Variants in PPP2R2D observed in about 807,000 individuals in gnomAD.
PPP2R2D encodes the protein serine/threonine-protein phosphatase 2A 55 kDa regulatory subunit B delta isoform.
In PPP2R2D, 9 loss-of-function variants were observed where a neutral mutation model predicts 31.1. The ratio of observed to expected loss-of-function variants is 0.29; its 90% CI spans 0.17 to 0.51. The LOEUF is 0.51. Among genes scored for constraint, PPP2R2D ranks in the 20% least tolerant of loss-of-function variants. The probability of loss-of-function intolerance (pLI) is 0.98; values close to 1 mark genes in which losing one functional copy is unlikely to be tolerated. For missense variants in PPP2R2D, 391 were observed against 465.6 expected (o/e 0.84, Z 1.48); for synonymous variants, 179 against 172.6 (o/e 1.04, Z -0.29).
chr10:131,960,708 G>A (rs1564831627), downstream of PPP2R2D, among the ~76,000 whole-genome samples: 1 of 152,230 alleles, frequency 6.6e-6, no homozygotes, highest in South Asian at 2.1e-4. Context: ...GGGAGGAAGA[G>A]TGGGTCTGGG....
the PPP2R2D span, chr10:131,969,826 G>C: frequency 6.6e-6 from 1 of 152,258 alleles, no homozygotes; most frequent in East Asian, 1.9e-4. Context: ...CCGCTGCGGC[G>C]AACGCTCTTC....
intron 5 of PPP2R2D, among the ~76,000 whole-genome samples, chr10:131,942,865 T>C (rs1554897386): frequency 6.6e-6 from 1 of 152,212 alleles, no homozygotes; most frequent in East Asian, 1.9e-4. Flanking sequence ...GAACTGACTC[T>C]TCTTGCTCTA....
chr10:131,919,492 G>T (rs1303281956), intron 2 of PPP2R2D, among the ~76,000 whole-genome samples: 2 of 127,438 alleles, frequency 1.6e-5, no homozygotes, highest in African/African-American at 3.0e-5. Context: ...CACAGTGTTT[G>T]TACGGACCTC....
rs1450917233 is a variant in PPP2R2D at position 131,901,135 on chromosome 10, C to A, written c.-14C>A. 7.3e-6 allele frequency: 2 copies of A among 272,606 alleles called. No homozygotes were observed. Among genetic ancestry groups the A allele is most frequent in the Non-Finnish European group, 1.4e-5 (2 of 146,912 alleles). 16.9% of individuals were successfully genotyped at this position (272,606 alleles called of 1,614,324 possible). ...GGTCTGCCGCGGTCCCCGCCCGTCC[C>A]GCCGCCGGCTGCCATGGCAGGTGAG... is the stretch of plus-strand genomic sequence containing the variant. On this transcript the variant is annotated 5_prime_UTR_variant, in exon 1 of 9. Coordinates refer to ENST00000455566, the MANE Select transcript of PPP2R2D (RefSeq NM_018461.5).
intron 2 of PPP2R2D, among the ~76,000 whole-genome samples, chr10:131,902,954 GT>G (rs1294018944): frequency 6.6e-6 from 1 of 152,036 alleles, no homozygotes; most frequent in Non-Finnish European, 1.5e-5. Flanking sequence ...ATTTCGCCAT[GT>G]TGCCCAGGCT....
In PPP2R2D at chr10:131,958,205, GC is replaced by G. The variant is rs199754386; in HGVS notation, c.*2246del. 1.6e-5 allele frequency: 2 copies of G among 127,772 alleles called. No homozygotes were observed. The highest frequency in any genetic ancestry group is 3.2e-5 in the Non-Finnish European group (2 of 61,852). 7.9% of individuals were successfully genotyped at this position (127,772 alleles called of 1,614,324 possible). ...ATGGAGGTGTGTGCTGATCCCTCGT[GC>G]CCCTGTGGAGATAGAGGTGTGTACT... On this transcript the variant is annotated 3_prime_UTR_variant, in exon 9 of 9. Transcript: ENST00000455566.
intron 2 of PPP2R2D, among the ~76,000 whole-genome samples, chr10:131,924,184 T>C (rs1237153537): frequency 3.3e-5 from 5 of 152,190 alleles, no homozygotes; most frequent in South Asian, 4.1e-4. Flanking sequence ...GTCCACCTTA[T>C]TTTTTTCTTT....
At chr10:131,910,052 G>A (rs1269546632) in intron 2 of PPP2R2D, among the ~76,000 whole-genome samples, 10 of 152,260 alleles carry the variant, frequency 6.6e-5, no homozygotes, top group African/African-American at 2.4e-4. Flanking sequence ...TAAGGAAAAT[G>A]TGGCGTCACA....
the PPP2R2D span, chr10:131,967,096 ATCT>A: frequency 6.6e-6 from 1 of 151,958 alleles, no homozygotes; most frequent in African/African-American, 2.4e-5. Flanking sequence ...GGCCAGGCCA[ATCT>A]TCTGACTTCA....
chr10:131,968,752 T>C, the PPP2R2D span: 2 of 522,710 alleles, frequency 3.8e-6, no homozygotes, highest in South Asian at 2.5e-5. Flanking sequence ...TATCAATATG[T>C]ATTTTGTATT....
Position 131,958,075 on chromosome 10 carries a change from A to T in PPP2R2D, c.*2112A>T, listed in dbSNP as rs1186389380. 1 of 132,816 alleles carries T rather than the reference A, an allele frequency of 7.5e-6. No individual in the cohort carries two copies. The highest frequency in any genetic ancestry group is 1.5e-5 in the Non-Finnish European group (1 of 68,062). The allele number at this position is 132,816 out of a possible 1,614,324, so 8.2% of individuals were successfully genotyped here. A position where few individuals can be genotyped will look rare whatever the true frequency, so the allele number is the denominator to read the frequency against. On this transcript the variant is annotated 3_prime_UTR_variant, in exon 9 of 9. Coordinates refer to ENST00000455566, the MANE Select transcript of PPP2R2D (RefSeq NM_018461.5). ...ATCCCCCATCCCCATGTGGAGATGAAGGGGTGTGTTGATCCCCCGTCCCCC... is the reference window on the plus strand; with the variant it reads ...ATCCCCCATCCCCATGTGGAGATGATGGGGTGTGTTGATCCCCCGTCCCCC...
At chr10:131,931,914 A>G (rs2036236749) in intron 2 of PPP2R2D, among the ~76,000 whole-genome samples, 4 of 152,164 alleles carry the variant, frequency 2.6e-5, no homozygotes, top group South Asian at 2.1e-4. Context: ...CCCACCTGGC[A>G]GGGTGAATGG....
At chr10:131,939,074 G>A (rs545677584) in intron 3 of PPP2R2D, among the ~76,000 whole-genome samples, 8 of 150,976 alleles carry the variant, frequency 5.3e-5, no homozygotes, top group East Asian at 1.9e-4. Context: ...CCTTAAATAC[G>A]GCAGGCTGCA....
chr10:131,955,032 T>C (rs1272125363), intron 8 of PPP2R2D, among the ~76,000 whole-genome samples: 1 of 152,240 alleles, frequency 6.6e-6, no homozygotes, highest in Non-Finnish European at 1.5e-5. Flanking sequence ...TATGAAGTTA[T>C]ATCATGAGGA....
intron 2 of PPP2R2D, among the ~76,000 whole-genome samples, chr10:131,920,257 G>A (rs1330254725): frequency 8.6e-5 from 13 of 151,030 alleles, no homozygotes; most frequent in South Asian, 2.1e-4. Flanking sequence ...GGGACCTGAC[G>A]TGGGTGGAAT....
At chr10:131,971,103 G>A in the PPP2R2D span, 14 of 812,930 alleles carry the variant, frequency 1.7e-5, no homozygotes, top group South Asian at 3.3e-5. Context: ...GCCTCGGACC[G>A]TGGTCCAAGG....
At chr10:131,902,045 G>A (rs1435891172) in intron 2 of PPP2R2D, among the ~76,000 whole-genome samples, 1 of 152,092 alleles carries the variant, frequency 6.6e-6, no homozygotes, top group Non-Finnish European at 1.5e-5. Context: ...GTTTTAGGGT[G>A]GTGGGAGGGA....
At chr10:131,909,076 G>A (rs1389435507) in intron 2 of PPP2R2D, among the ~76,000 whole-genome samples, 2 of 152,214 alleles carry the variant, frequency 1.3e-5, no homozygotes, top group Non-Finnish European at 2.9e-5. Context: ...GGAGTGGAGG[G>A]GAGGACATCA....
the PPP2R2D span, chr10:131,968,140 A>G: frequency 6.2e-6 from 1 of 160,070 alleles, no homozygotes; most frequent in Admixed American, 6.1e-5. Context: ...TTTATTATCA[A>G]TGTTATTCAT....
Sources: gnomAD v4.1 joint callset for allele counts (sites outside exome capture counted in the v4.1 genomes callset) on GRCh38, gnomAD v4.1.1 for gene constraint, MANE v1.5 for transcripts, NCBI Gene and HGNC (gene_info 2026-07-23, HGNC 2026-07-21) for gene names.